Variants in UHRF1 observed in about 807,000 individuals in gnomAD.
UHRF1 encodes the protein E3 ubiquitin-protein ligase UHRF1.
Under a neutral mutation model 96.5 loss-of-function variants are expected in UHRF1, and 9 were observed. That is an observed-to-expected ratio of 0.09 (90% CI 0.06 to 0.16). The LOEUF is 0.16. Ranked by LOEUF, UHRF1 falls within the 10% of genes least tolerant of loss-of-function variation. The probability of loss-of-function intolerance (pLI) is 1.00; values close to 1 mark genes in which losing one functional copy is unlikely to be tolerated. For missense variants in UHRF1, 626 were observed against 1,131.1 expected (o/e 0.55, Z 6.40); for synonymous variants, 455 against 469.9 (o/e 0.97, Z 0.41).
At chr19:4,916,035 C>CA (rs2032486070) in intron 2 of UHRF1, among the ~76,000 whole-genome samples, 1 of 152,108 alleles carries the variant, frequency 6.6e-6, no homozygotes, top group Non-Finnish European at 1.5e-5. Context: ...TGAGGCCAGG[C>CA]ATGGTAGCTC....
upstream of UHRF1, among the ~76,000 whole-genome samples, chr19:4,909,050 G>T (rs980806769): frequency 6.6e-6 from 1 of 152,194 alleles, no homozygotes; most frequent in African/African-American, 2.4e-5. Flanking sequence ...AGGCAGTGGG[G>T]CTTGGGGCGA....
At position 4,952,319 on chromosome 19, in the gene UHRF1, C is replaced by T. The variant is rs192695783; in HGVS notation, c.1818+1323C>T. Among the ~76,000 whole-genome samples, 566 of 150,144 alleles carry T rather than the reference C, an allele frequency of 3.8e-3. 1 individual carries two copies. The highest frequency in any genetic ancestry group is 5.9e-3 in the Non-Finnish European group (398 of 67,712). ...ATGTTGGTCAGGCTGGTCTTGAACT[C>T]CTGACCTCAGGTGATCCACCCGCCT... is the stretch of plus-strand genomic sequence containing the variant. On this transcript the variant is annotated intron_variant, in intron 13 of 16. Coordinates refer to ENST00000650932, the MANE Select transcript of UHRF1 (RefSeq NM_001048201.3).
intron 7 of UHRF1, among the ~76,000 whole-genome samples, chr19:4,942,883 A>G (rs899018280): frequency 2.6e-5 from 4 of 152,112 alleles, no homozygotes. Flanking sequence ...GGGTGCAGTG[A>G]ACTGTGATCG....
At chr19:4,948,392 T>C (rs192726694) in intron 11 of UHRF1, among the ~76,000 whole-genome samples, 3 of 152,304 alleles carry the variant, frequency 2.0e-5, no homozygotes, top group Admixed American at 2.0e-4. Context: ...ATTATAAATA[T>C]ATTACATAAA....
chr19:4,925,709 A>G (rs2032846249), intron 2 of UHRF1, among the ~76,000 whole-genome samples: 1 of 151,702 alleles, frequency 6.6e-6, no homozygotes, highest in African/African-American at 2.4e-5. Context: ...TTTAGTAGAG[A>G]CGGGGTTTCA....
At chr19:4,903,898 G>T (rs1437544364) in intron 1 of UHRF1, among the ~76,000 whole-genome samples, 2 of 152,144 alleles carry the variant, frequency 1.3e-5, no homozygotes, top group Non-Finnish European at 2.9e-5. Flanking sequence ...AATCTGGTGC[G>T]CACTGAAGTT....
intron 5 of UHRF1, among the ~76,000 whole-genome samples, chr19:4,933,785 T>C (rs2033132884): frequency 6.6e-6 from 1 of 152,168 alleles, no homozygotes; most frequent in Non-Finnish European, 1.5e-5. Flanking sequence ...AATAGTTTTA[T>C]TGGGACGTGG....
intron 11 of UHRF1, among the ~76,000 whole-genome samples, chr19:4,947,923 C>A (rs944725384): frequency 2.0e-5 from 3 of 151,882 alleles, no homozygotes; most frequent in African/African-American, 4.8e-5. Flanking sequence ...GGTAGTGAGA[C>A]AACCCATCTA....
At chr19:4,916,930 G>C (rs2032529354) in intron 2 of UHRF1, among the ~76,000 whole-genome samples, 1 of 152,130 alleles carries the variant, frequency 6.6e-6, no homozygotes, top group South Asian at 2.1e-4. Flanking sequence ...TAAACTTCTG[G>C]TTTCTATCCC....
In UHRF1 at chr19:4,954,315, A is replaced by C; in HGVS notation, c.1819-35A>C. The C allele has an allele frequency of 1.2e-6, 2 of 1,605,044 alleles. No individual in the cohort carries two copies. Among genetic ancestry groups the C allele is most frequent in the Non-Finnish European group, 1.7e-6 (2 of 1,176,896 alleles). ...GGCTCTGCATAGCGTGTGGGCCCCA[A>C]GCCTGACTCACGGCTGTCCCTCTTC... On this transcript the variant is annotated intron_variant, in intron 13 of 16. Coordinates refer to ENST00000650932, the MANE Select transcript of UHRF1 (RefSeq NM_001048201.3). This position sits in a 1 kb window ranked among gnomAD's most constrained non-coding sequence, Gnocchi z 5.9.
At chr19:4,953,550 A>G (rs2033774951) in intron 13 of UHRF1, among the ~76,000 whole-genome samples, 1 of 151,994 alleles carries the variant, frequency 6.6e-6, no homozygotes, top group Non-Finnish European at 1.5e-5. Flanking sequence ...TACAGCCTCA[A>G]ACTCCTGGGC....
intron 11 of UHRF1, among the ~76,000 whole-genome samples, 179 bp from the exon 12 acceptor site, chr19:4,950,432 C>CG (rs1314473479): frequency 6.7e-6 from 1 of 149,932 alleles, no homozygotes; most frequent in East Asian, 2.0e-4. Flanking sequence ...TTAGCAGAGA[C>CG]GGGGTTTCAC....
chr19:4,956,265 C>CAAAA (rs2033854542), intron 15 of UHRF1, among the ~76,000 whole-genome samples: 1 of 152,184 alleles, frequency 6.6e-6, no homozygotes, highest in South Asian at 2.1e-4. Context: ...GGGGGTCTCA[C>CAAAA]TGTATTGCCG....
At chr19:4,952,398 T>TTTA (rs1279879301) in intron 13 of UHRF1, among the ~76,000 whole-genome samples, 8 of 145,260 alleles carry the variant, frequency 5.5e-5, no homozygotes, top group African/African-American at 2.0e-4. Flanking sequence ...CCAGCCTTTT[T>TTTA]TTTTTTTTTT....
intron 2 of UHRF1, among the ~76,000 whole-genome samples, chr19:4,917,181 C>A (rs1278492045): frequency 6.6e-6 from 1 of 150,684 alleles, no homozygotes; most frequent in Non-Finnish European, 1.5e-5. Flanking sequence ...GGTCTTGAAC[C>A]CCTGGCCTCA....
chr19:4,927,889 C>G (rs1485609860), intron 2 of UHRF1, among the ~76,000 whole-genome samples: 1 of 152,220 alleles, frequency 6.6e-6, no homozygotes. Context: ...CCTGCTCGCA[C>G]CAGGCACGGG....
Position 4,933,957 on chromosome 19 carries a change from T to TTGTGTGTGTGTGTGTG in UHRF1, c.785+1015_785+1016insTGTGTGTGTGTGTGTG, listed in dbSNP as rs753933265. On this transcript the variant is annotated intron_variant, in intron 5 of 16. Coordinates refer to ENST00000650932, the MANE Select transcript of UHRF1 (RefSeq NM_001048201.3). ...AGCCTGTTCTTTCTCCCTTGCCTCT[T>TTGTGTGTGTGTGTGTG]TGTGTGTGTGTGTGCGTGTGTGTGT... is the stretch of plus-strand genomic sequence containing the variant. Among the ~76,000 whole-genome samples the TTGTGTGTGTGTGTGTG allele has an allele frequency of 1.9e-3, 186 of 97,780 alleles. 3 individuals are homozygous for TTGTGTGTGTGTGTGTG. Among genetic ancestry groups the TTGTGTGTGTGTGTGTG allele is most frequent in the African/African-American group, 6.0e-3 (172 of 28,874 alleles). The allele number at this position is 97,780 out of a possible 152,430, so 64.1% of individuals were successfully genotyped here.
At chr19:4,938,525 T>G (rs180782200) in intron 5 of UHRF1, among the ~76,000 whole-genome samples, 288 of 151,950 alleles carry the variant, frequency 1.9e-3, no homozygotes, top group African/African-American at 5.6e-3. Context: ...GACAGTTTTT[T>G]TTTGTTTGTT....
At chr19:4,943,495 G>GGCCC (rs2033469497) in intron 7 of UHRF1, among the ~76,000 whole-genome samples, 4 of 133,258 alleles carry the variant, frequency 3.0e-5, no homozygotes, top group South Asian at 2.4e-4. Context: ...TTGTTGCCCT[G>GGCCC]CCCCCCCTCC....
Sources: allele counts gnomAD v4.1 joint callset (sites outside exome capture counted in the v4.1 genomes callset), GRCh38; gene constraint gnomAD v4.1.1; non-coding constraint Gnocchi (gnomAD v3.1); transcripts MANE v1.5; gene names NCBI Gene and HGNC (gene_info 2026-07-23, HGNC 2026-07-21).